The following DPP6 variants were observed in gnomAD, a reference collection of about 807,000 sequenced individuals.
The protein encoded by DPP6 is dipeptidyl peptidase like 6, also known as A-type potassium channel modulatory protein DPP6.
Under a neutral mutation model 122.6 loss-of-function variants are expected in DPP6, and 69 were observed. The observed-to-expected ratio is 0.56, with a 90% confidence interval of 0.46 to 0.69. The LOEUF (loss-of-function observed/expected upper bound fraction) is 0.69. Among genes scored for constraint, DPP6 ranks in the 30% least tolerant of loss-of-function variants. The probability of loss-of-function intolerance (pLI) is 0.00; values close to 1 mark genes in which losing one functional copy is unlikely to be tolerated. For missense variants in DPP6, 928 were observed against 1,116.9 expected, an observed-to-expected ratio of 0.83 and a Z score of 2.41; for synonymous variants, 418 against 433.1, an observed-to-expected ratio of 0.97 and a Z score of 0.43.
intron 1 of DPP6, among the ~76,000 whole-genome samples, chr7:153,902,526 C>T (rs1799680224): frequency 6.6e-6 from 1 of 152,238 alleles, no homozygotes; most frequent in East Asian, 1.9e-4. Flanking sequence ...CAAGGATGCA[C>T]TTCCAAGAGA....
intron 5 of DPP6, among the ~76,000 whole-genome samples, chr7:154,626,863 G>C (rs1835100033): frequency 6.6e-6 from 1 of 152,140 alleles, no homozygotes; most frequent in Admixed American, 6.5e-5. Context: ...GGAAAGATGT[G>C]CAGCCAAGGG....
At chr7:154,511,162 CA>C (rs1450612159) in intron 3 of DPP6, among the ~76,000 whole-genome samples, 1 of 152,108 alleles carries the variant, frequency 6.6e-6, no homozygotes, top group Admixed American at 6.5e-5. Context: ...CCGAGCTGCT[CA>C]GGGAGATTCA....
intron 1 of DPP6, among the ~76,000 whole-genome samples, chr7:153,956,483 C>T (rs868032801): frequency 1.5e-4 from 23 of 152,138 alleles, no homozygotes; most frequent in African/African-American, 5.3e-4. Flanking sequence ...ATAGGTCTTC[C>T]TCTTACCTCT....
chr7:154,833,532 G>GT lies in DPP6; in HGVS notation c.1667-20248_1667-20247insT, dbSNP rs1176798345. On this transcript the variant is annotated intron_variant, in intron 16 of 25. Transcript: ENST00000377770. The surrounding 1 kb of genome is among the most constrained non-coding windows in gnomAD (Gnocchi z 4.3). ...TTATTATCTGAAACACTCAGAGCAG[G>GT]ACCTGTTGCTGGTAGACGGTGGTGA... Among the ~76,000 whole-genome samples, 1 of 152,136 alleles carries GT rather than the reference G, an allele frequency of 6.6e-6. No homozygotes were observed. Among genetic ancestry groups the GT allele is most frequent in the Admixed American group, 6.5e-5 (1 of 15,268 alleles).
At chr7:154,632,201 A>T (rs1473038307) in intron 5 of DPP6, among the ~76,000 whole-genome samples, 6 of 152,206 alleles carry the variant, frequency 3.9e-5, no homozygotes, top group Non-Finnish European at 7.3e-5. Context: ...TTACACCTCC[A>T]CTGGTTATAA....
intron 9 of DPP6, among the ~76,000 whole-genome samples, chr7:154,770,518 A>C (rs1796192282): frequency 1.3e-5 from 2 of 152,190 alleles, no homozygotes; most frequent in African/African-American, 4.8e-5. Flanking sequence ...ATGTGACCAT[A>C]CAGCAAGAAA....
intron 3 of DPP6, among the ~76,000 whole-genome samples, chr7:154,517,717 A>G (rs1826636089): frequency 6.6e-6 from 1 of 152,136 alleles, no homozygotes; most frequent in Non-Finnish European, 1.5e-5. Flanking sequence ...TTAAATACAC[A>G]GCAGCGCTCT....
intron 7 of DPP6, among the ~76,000 whole-genome samples, chr7:154,712,898 A>C (rs1841273370): frequency 6.6e-6 from 1 of 152,158 alleles, no homozygotes; most frequent in African/African-American, 2.4e-5. Flanking sequence ...AGTCCCCCAA[A>C]GTCTTCTTCC....
At chr7:153,776,106 A>G in the DPP6 span, among the ~76,000 whole-genome samples, 505 of 152,264 alleles carry the variant, frequency 3.3e-3, 1 homozygote, top group Non-Finnish European at 4.7e-3. Flanking sequence ...TAAAATAACT[A>G]CCCACAAAAT....
intron 5 of DPP6, among the ~76,000 whole-genome samples, chr7:154,572,535 T>C (rs1393170300): frequency 8.2e-5 from 10 of 121,798 alleles, no homozygotes; most frequent in Non-Finnish European, 1.2e-4. Context: ...TTTTTTTTTT[T>C]TGGTGGTGTC....
intron 1 of DPP6, among the ~76,000 whole-genome samples, chr7:154,066,060 CT>C (rs539320144): frequency 0.033 from 4,442 of 133,204 alleles, 208 homozygotes; most frequent in African/African-American, 0.11. Flanking sequence ...TTTTTTTTTA[CT>C]TTTTTTTTTT....
chr7:153,789,219 T>C, the DPP6 span, among the ~76,000 whole-genome samples: 1 of 152,188 alleles, frequency 6.6e-6, no homozygotes, highest in Non-Finnish European at 1.5e-5. Context: ...GTAAATGTTA[T>C]AACATAAAAT....
chr7:154,509,716 A>G (rs1465524169), intron 3 of DPP6, among the ~76,000 whole-genome samples: 1 of 152,228 alleles, frequency 6.6e-6, no homozygotes, highest in Non-Finnish European at 1.5e-5. Context: ...AAAAGTGCAA[A>G]CAACCCAAAT....
chr7:153,972,102 T>C (rs71530406), intron 1 of DPP6, among the ~76,000 whole-genome samples: 5,109 of 149,678 alleles, frequency 0.034, 288 homozygotes, highest in African/African-American at 0.1. Context: ...TCCTTTATGC[T>C]GAGAAACAGA....
chr7:154,128,049 G>T (rs980403364), intron 1 of DPP6, among the ~76,000 whole-genome samples: 2 of 149,884 alleles, frequency 1.3e-5, no homozygotes, highest in African/African-American at 4.9e-5. Flanking sequence ...GGGATGCCTG[G>T]CAACACAGGA....
intron 8 of DPP6, among the ~76,000 whole-genome samples, chr7:154,758,197 T>A (rs1795266568): frequency 1.3e-5 from 2 of 152,048 alleles, no homozygotes; most frequent in South Asian, 4.1e-4. Context: ...TGGCAGACAT[T>A]CTAGAATCTC....
chr7:153,865,254 A>C, the DPP6 span, among the ~76,000 whole-genome samples: 1 of 152,222 alleles, frequency 6.6e-6, no homozygotes, highest in African/African-American at 2.4e-5. Flanking sequence ...AAAATGTTAC[A>C]GAATAAGATG....
chr7:153,801,084 A>G, the DPP6 span, among the ~76,000 whole-genome samples: 2 of 150,764 alleles, frequency 1.3e-5, no homozygotes, highest in African/African-American at 2.4e-5. Flanking sequence ...CAGAAAGTCA[A>G]TCAGTGGCCA....
chr7:154,515,075 T>C (rs539399419), intron 3 of DPP6, among the ~76,000 whole-genome samples: 149 of 152,358 alleles, frequency 9.8e-4, no homozygotes, highest in African/African-American at 3.3e-3. Flanking sequence ...GGCCTTAAAA[T>C]GCTTAATGTA....
Sources: gnomAD v4.1 joint callset for allele counts (sites outside exome capture counted in the v4.1 genomes callset) on GRCh38, gnomAD v4.1.1 for gene constraint, Gnocchi (gnomAD v3.1) non-coding constraint, MANE v1.5 for transcripts, NCBI Gene and HGNC (gene_info 2026-07-23, HGNC 2026-07-21) for gene names.